TBC1D10A: variants seen among roughly 807,000 people sequenced by gnomAD.
TBC1D10A encodes the protein TBC1 domain family member 10A, also known as EBP50-PDX interactor of 64 kDa.
A neutral mutation model predicts 52.9 loss-of-function variants in TBC1D10A; 24 were observed. The observed-to-expected ratio is 0.45, with a 90% CI of 0.33 to 0.64. TBC1D10A has a LOEUF of 0.64. TBC1D10A is among the 30% of genes least tolerant of loss of function. The pLI is 0.02. For synonymous variants in TBC1D10A, 278 were observed against 282.9 expected, an observed-to-expected ratio of 0.98 and a Z score of 0.17; for missense variants, 602 against 687.9, an observed-to-expected ratio of 0.88 and a Z score of 1.40.
chr22:30,325,606 G>T (rs544491705), intron 1 of TBC1D10A, among the ~76,000 whole-genome samples: 9 of 152,202 alleles, frequency 5.9e-5, no homozygotes, highest in Admixed American at 6.5e-5. Context: ...CTTTCCTAAG[G>T]GGACCGCCAG....
rs142012378 is a variant in TBC1D10A, at chr22:30,292,922, G to A, written c.1051-71C>T. The A allele has an allele frequency of 5.8e-6, 9 of 1,547,272 alleles. No homozygotes were observed. The East Asian group carries it at 2.0e-4, about 35-fold the overall frequency. ...CTTCCCCTTCTGCCTCCCAGCCTGGGCCCCCAGTCTTCCTCAGCATCCCCC... is the reference window on the plus strand; with the variant it reads ...CTTCCCCTTCTGCCTCCCAGCCTGGACCCCCAGTCTTCCTCAGCATCCCCC... On this transcript the variant is annotated intron_variant, in intron 8 of 8. Transcript: ENST00000215790.
chr22:30,304,494 C>G, intron 2 of TBC1D10A, 37 bp downstream of exon 2: 1 of 1,613,298 alleles, frequency 6.2e-7, no homozygotes, highest in Non-Finnish European at 8.5e-7. Flanking sequence ...CCCAAGCTGC[C>G]AACTCCCAGC....
rs564994128 is a variant in TBC1D10A at position 30,293,970 on chromosome 22, G to A, written c.846C>T (p.Thr282=). 5.0e-6 allele frequency: 8 copies of A among 1,614,146 alleles called. No homozygotes were observed. The highest frequency in any genetic ancestry group is 6.8e-6 in the Non-Finnish European group (8 of 1,179,978). ...TEWFMCAFSR[T]LPWSSVLRVW... Reference sequence around the variant, plus strand: ...CACGCAGCACAGAGCTCCAGGGCAAGGTTCGGGAGAAGGCGCACATGAACC... The same window carrying A: ...CACGCAGCACAGAGCTCCAGGGCAAAGTTCGGGAGAAGGCGCACATGAACC... Residue 282 remains threonine, a synonymous_variant, in exon 7 of 9, where the codon ACC becomes ACT. Coordinates refer to ENST00000215790, the MANE Select transcript of TBC1D10A (RefSeq NM_031937.3).
intron 1 of TBC1D10A, among the ~76,000 whole-genome samples, chr22:30,315,590 C>T (rs374792602): frequency 6.6e-5 from 10 of 152,134 alleles, no homozygotes; most frequent in South Asian, 4.2e-4. Flanking sequence ...TGAAGCCAAG[C>T]GAAGATGAAA....
At chr22:30,322,248 T>C (rs1330368442) in intron 1 of TBC1D10A, among the ~76,000 whole-genome samples, 3 of 152,112 alleles carry the variant, frequency 2.0e-5, no homozygotes, top group Non-Finnish European at 2.9e-5. Flanking sequence ...CCTAAAGTGC[T>C]GGGATTACGG....
chr22:30,299,333 T>C, intron 3 of TBC1D10A, 111 bp downstream of exon 3: 1 of 1,109,574 alleles, frequency 9.0e-7, no homozygotes. Context: ...ACTGGAGGTT[T>C]CATGGACTGC....
chr22:30,292,318 G>T lies in TBC1D10A; in HGVS notation c.*57C>A. The T allele has an allele frequency of 2.8e-6, 4 of 1,450,240 alleles. No individual in the cohort carries two copies. The highest frequency in any genetic ancestry group is 3.7e-6 in the Non-Finnish European group (4 of 1,079,664). 89.8% of individuals were successfully genotyped at this position (1,450,240 alleles called of 1,614,324 possible). ...AGGGTGGGCAGGATGTGGAATGTCA[G>T]TTCATGAACCGTGTAGTTATATGGA... On this transcript the variant is annotated 3_prime_UTR_variant, in exon 9 of 9. Coordinates refer to ENST00000215790, the MANE Select transcript of TBC1D10A (RefSeq NM_031937.3).
chr22:30,326,587 G>A, intron 1 of TBC1D10A, 86 bp downstream of exon 1: 2 of 1,330,840 alleles, frequency 1.5e-6, no homozygotes, highest in Non-Finnish European at 2.0e-6. Flanking sequence ...AGGGGGACGT[G>A]TCGGCAAGTC....
chr22:30,304,146 G>C (rs1254047829), intron 2 of TBC1D10A, among the ~76,000 whole-genome samples: 2 of 152,200 alleles, frequency 1.3e-5, no homozygotes, highest in African/African-American at 2.4e-5. Flanking sequence ...AATTATCCCA[G>C]GCAAGTGCCA....
At chr22:30,326,542 G>A (rs1930778825) in intron 1 of TBC1D10A, 131 bp downstream of exon 1, 6 of 870,938 alleles carry the variant, frequency 6.9e-6, no homozygotes, top group Non-Finnish European at 9.9e-6. Flanking sequence ...GGGTGGGGCA[G>A]GGGAGGGAAC....
At chr22:30,320,722 A>C (rs913728367) in intron 1 of TBC1D10A, among the ~76,000 whole-genome samples, 1 of 152,204 alleles carries the variant, frequency 6.6e-6, no homozygotes, top group South Asian at 2.1e-4. Context: ...AGATAGAACC[A>C]CGAGCTGCTC....
chr22:30,298,037 G>C (rs890999010), intron 3 of TBC1D10A: 1 of 152,232 alleles, frequency 6.6e-6, no homozygotes, highest in African/African-American at 2.4e-5. Context: ...CAGACCCCCT[G>C]GGGGGTGGCT....
intron 1 of TBC1D10A, among the ~76,000 whole-genome samples, chr22:30,317,722 C>T (rs1043212677): frequency 6.6e-6 from 1 of 152,172 alleles, no homozygotes; most frequent in African/African-American, 2.4e-5. Flanking sequence ...TCAGCCTCAG[C>T]CTCTGTAGTA....
At chr22:30,316,051 C>T (rs1005960090) in intron 1 of TBC1D10A, among the ~76,000 whole-genome samples, 7 of 152,162 alleles carry the variant, frequency 4.6e-5, no homozygotes, top group Non-Finnish European at 7.3e-5. Flanking sequence ...TAATAGCCTA[C>T]CAATTTCCCA....
chr22:30,317,753 C>A (rs1417271675), intron 1 of TBC1D10A, among the ~76,000 whole-genome samples: 1 of 152,202 alleles, frequency 6.6e-6, no homozygotes, highest in African/African-American at 2.4e-5. Flanking sequence ...CCGGCACGTG[C>A]CACCATGCCC....
intron 3 of TBC1D10A, chr22:30,299,207 C>A: frequency 2.1e-6 from 1 of 468,988 alleles, no homozygotes; most frequent in East Asian, 3.7e-5. Context: ...CAAATCTGGC[C>A]ATTCCACTGA....
intron 1 of TBC1D10A, among the ~76,000 whole-genome samples, chr22:30,306,348 C>T (rs193147110): frequency 6.6e-6 from 1 of 152,202 alleles, no homozygotes. Context: ...CTATCTGATA[C>T]CTCAACCCTC....
intron 1 of TBC1D10A, among the ~76,000 whole-genome samples, chr22:30,311,195 A>C (rs1275882135): frequency 6.6e-6 from 1 of 152,230 alleles, no homozygotes; most frequent in Non-Finnish European, 1.5e-5. Flanking sequence ...CCAGTTCCAT[A>C]AGAAGTGATG....
At chr22:30,303,043 G>A (rs902280798) in intron 2 of TBC1D10A, among the ~76,000 whole-genome samples, 1 of 152,216 alleles carries the variant, frequency 6.6e-6, no homozygotes, top group Admixed American at 6.5e-5. Flanking sequence ...CACTTTGGGA[G>A]GCCAACGCAC....
Sources: gnomAD v4.1 joint callset for allele counts (sites outside exome capture counted in the v4.1 genomes callset) on GRCh38, gnomAD v4.1.1 for gene constraint, MANE v1.5 for transcripts, NCBI Gene and HGNC (gene_info 2026-07-23, HGNC 2026-07-21) for gene names.